GMDS: variants seen among roughly 807,000 people sequenced by gnomAD.
GMDS encodes the protein GDP-mannose 4,6-dehydratase.
A neutral mutation model predicts 49.9 loss-of-function variants in GMDS; 20 were observed. The ratio of observed to expected loss-of-function variants is 0.40; its 90% confidence interval spans 0.28 to 0.58. The LOEUF (loss-of-function observed/expected upper bound fraction) is 0.58, where lower values mean the gene tolerates loss of function less well. GMDS is among the 20% of genes least tolerant of loss of function. The pLI, the probability that GMDS is intolerant of heterozygous loss-of-function variation, is 0.42. For missense variants in GMDS, 362 were observed against 481.4 expected (o/e 0.75, Z 2.32); for synonymous variants, 177 against 178.6 (o/e 0.99, Z 0.07).
intron 8 of GMDS, among the ~76,000 whole-genome samples, chr6:1,732,503 A>T (rs1169363466): frequency 1.3e-5 from 2 of 152,122 alleles, no homozygotes; most frequent in African/African-American, 4.8e-5. Flanking sequence ...AGAGGGCAAA[A>T]CTCTTGTTTT....
chr6:1,695,467 G>A (rs1393402150), intron 9 of GMDS, among the ~76,000 whole-genome samples: 1 of 152,196 alleles, frequency 6.6e-6, no homozygotes, highest in Non-Finnish European at 1.5e-5. Context: ...TGGTTCAACT[G>A]TGTGTCCTAT....
intron 9 of GMDS, among the ~76,000 whole-genome samples, chr6:1,686,590 T>A (rs1404507276): frequency 6.6e-6 from 1 of 152,250 alleles, no homozygotes; most frequent in African/African-American, 2.4e-5. Context: ...TGCATCTATT[T>A]AAAGGATCTA....
intron 7 of GMDS, among the ~76,000 whole-genome samples, chr6:1,840,453 G>C (rs1246613906): frequency 1.3e-5 from 2 of 152,288 alleles, no homozygotes; most frequent in South Asian, 2.1e-4. Context: ...AACTAGGCTT[G>C]TGCAAGTAAA....
At chr6:1,962,035 T>C (rs1763975593) in intron 4 of GMDS, among the ~76,000 whole-genome samples, 1 of 152,222 alleles carries the variant, frequency 6.6e-6, no homozygotes, top group African/African-American at 2.4e-5. Context: ...AGAAAGCAAA[T>C]TTGGAAGTCT....
At chr6:2,222,294 A>G (rs1780628659) in intron 1 of GMDS, among the ~76,000 whole-genome samples, 1 of 152,184 alleles carries the variant, frequency 6.6e-6, no homozygotes, top group Non-Finnish European at 1.5e-5. Flanking sequence ...GGCGTCTAAA[A>G]TGCTCTCCTG....
At chr6:2,151,799 A>G (rs1463066086) in intron 1 of GMDS, among the ~76,000 whole-genome samples, 1 of 152,130 alleles carries the variant, frequency 6.6e-6, no homozygotes, top group Non-Finnish European at 1.5e-5. Flanking sequence ...AAATCCATTC[A>G]TCTTAATCTT....
At position 1,742,531 on chromosome 6, in the gene GMDS, C is replaced by G. The variant is rs1302938798; in HGVS notation, c.827G>C (p.Gly276Ala). Reference protein sequence around the residue: ...DEPEDFVIATGEVHSVREFVE... With the variant: ...DEPEDFVIATAEVHSVREFVE... ...AAATTCCCGGACACTATGGACCTCC[C>G]CAGTAGCTATAACGAAGTCCTCCGG... Residue 276 changes from glycine to alanine, a missense_variant, in exon 8 of 11, where the codon GGG becomes GCG. Gly to Ala is a moderately conservative substitution (Grantham distance 60). Transcript: ENST00000380815. 4 of 1,612,632 alleles carry G rather than the reference C, an allele frequency of 2.5e-6. No homozygotes were observed. Among genetic ancestry groups the G allele is most frequent in the Non-Finnish European group, 3.4e-6 (4 of 1,178,682 alleles).
At chr6:1,754,555 A>T (rs1767866961) in intron 7 of GMDS, among the ~76,000 whole-genome samples, 1 of 152,216 alleles carries the variant, frequency 6.6e-6, no homozygotes, top group African/African-American at 2.4e-5. Flanking sequence ...CTGATACCAA[A>T]ACTTGGTGAG....
chr6:1,849,117 G>GT (rs1757543606), intron 7 of GMDS, among the ~76,000 whole-genome samples: 1 of 152,182 alleles, frequency 6.6e-6, no homozygotes, highest in Non-Finnish European at 1.5e-5. Context: ...GCCTAGACCT[G>GT]TAAGTATAGG....
At position 2,038,060 on chromosome 6, in the gene GMDS, G is replaced by A. The variant is rs572272036; in HGVS notation, c.346-77094C>T. ...TTGAACCTTGAAATAAAGAGGGTTG[G>A]GGGGGAGGTGGTGGTGAAAAAACTA... On this transcript the variant is annotated intron_variant, in intron 4 of 10. Transcript: ENST00000380815. Among the ~76,000 whole-genome samples, 108 of 152,134 alleles carry A rather than the reference G, an allele frequency of 7.1e-4. 1 individual carries two copies. The highest frequency in any genetic ancestry group is 2.5e-3 in the African/African-American group (104 of 41,504).
At chr6:1,780,181 A>G (rs1445596407) in intron 7 of GMDS, among the ~76,000 whole-genome samples, 1 of 152,228 alleles carries the variant, frequency 6.6e-6, no homozygotes, top group Non-Finnish European at 1.5e-5. Context: ...TGTGTTTTGT[A>G]TAAGTAAGTT....
intron 9 of GMDS, among the ~76,000 whole-genome samples, chr6:1,628,910 C>T (rs775676470): frequency 2.6e-5 from 4 of 152,116 alleles, no homozygotes; most frequent in Non-Finnish European, 5.9e-5. Context: ...GCTCAGGTTC[C>T]AAGGGAATAA....
chr6:2,162,659 AACACACACACACACACACACACACACAC>A (rs67198377), intron 1 of GMDS, among the ~76,000 whole-genome samples: 2 of 135,838 alleles, frequency 1.5e-5, no homozygotes, highest in Admixed American at 7.4e-5. Context: ...ATAACATTCC[AACACACACACACACACACACACACACAC>A]ACACACACAC....
intron 9 of GMDS, among the ~76,000 whole-genome samples, chr6:1,685,254 A>G (rs913916063): frequency 1.3e-5 from 2 of 152,066 alleles, no homozygotes; most frequent in Non-Finnish European, 2.9e-5. Context: ...CAAAAAAATT[A>G]GCCCAGTGTG....
intron 1 of GMDS, among the ~76,000 whole-genome samples, chr6:2,197,499 C>A (rs1468794951): frequency 3.9e-5 from 6 of 152,126 alleles, no homozygotes; most frequent in Non-Finnish European, 7.3e-5. Flanking sequence ...TAAACCTGAC[C>A]ACGTCAAGGG....
At chr6:1,690,475 A>C (rs887502814) in intron 9 of GMDS, among the ~76,000 whole-genome samples, 21 of 152,218 alleles carry the variant, frequency 1.4e-4, no homozygotes, top group Non-Finnish European at 1.9e-4. Flanking sequence ...GAAATAGGGA[A>C]TCCTTCCCCC....
At chr6:1,626,886 A>G (rs1032893270) in intron 9 of GMDS, among the ~76,000 whole-genome samples, 1 of 152,278 alleles carries the variant, frequency 6.6e-6, no homozygotes, top group South Asian at 2.1e-4. Flanking sequence ...TTAGAAACAG[A>G]CCTTGCTACC....
intron 1 of GMDS, among the ~76,000 whole-genome samples, chr6:2,203,204 G>A (rs928029987): frequency 6.6e-6 from 1 of 151,984 alleles, no homozygotes; most frequent in South Asian, 2.1e-4. Context: ...GGGGTTGGGG[G>A]GTAGTTAACG....
chr6:2,034,128 A>C (rs1317377756), intron 4 of GMDS, among the ~76,000 whole-genome samples: 1 of 152,210 alleles, frequency 6.6e-6, no homozygotes, highest in Non-Finnish European at 1.5e-5. Context: ...GACACGTACA[A>C]AAATATTAAA....
Sources: allele counts gnomAD v4.1 joint callset (sites outside exome capture counted in the v4.1 genomes callset), GRCh38; gene constraint gnomAD v4.1.1; transcripts MANE v1.5; gene names NCBI Gene and HGNC (gene_info 2026-07-23, HGNC 2026-07-21).